Variants in SDK1 observed in about 807,000 individuals in gnomAD.
SDK1 encodes protein sidekick-1.
A neutral mutation model predicts 245.5 loss-of-function variants in SDK1; 157 were observed. The ratio of observed to expected loss-of-function variants is 0.64; its 90% CI spans 0.56 to 0.73. The LOEUF (loss-of-function observed/expected upper bound fraction) is 0.73. SDK1 is among the 30% of genes least tolerant of loss of function. The pLI, the probability that SDK1 is intolerant of heterozygous loss-of-function variation, is 0.00. For synonymous variants in SDK1, 1,647 were observed against 1,278.5 expected, an observed-to-expected ratio of 1.29 and a Z score of -6.15; for missense variants, 3,583 against 3,002.3, an observed-to-expected ratio of 1.19 and a Z score of -4.52.
intron 1 of SDK1, among the ~76,000 whole-genome samples, chr7:3,514,718 T>C (rs977289170): frequency 6.6e-6 from 1 of 152,162 alleles, no homozygotes; most frequent in Non-Finnish European, 1.5e-5. Context: ...AAGTAGTACT[T>C]AGACCCCGTC....
chr7:4,175,866 G>A (rs150185967), intron 34 of SDK1, 32 bp downstream of exon 34: 72 of 1,592,402 alleles, frequency 4.5e-5, no homozygotes, highest in East Asian at 1.1e-4. Context: ...GGCCCATGCC[G>A]CGAGGCGCAC....
intron 1 of SDK1, among the ~76,000 whole-genome samples, chr7:3,328,165 A>G (rs1779980843): frequency 6.6e-6 from 1 of 152,208 alleles, no homozygotes; most frequent in Non-Finnish European, 1.5e-5. Context: ...TTGAAATATT[A>G]TAACTGTTGA....
intron 4 of SDK1, among the ~76,000 whole-genome samples, chr7:3,656,042 C>T (rs11763915): frequency 0.27 from 40,978 of 152,186 alleles, 5,715 homozygotes; most frequent in Non-Finnish European, 0.3. Context: ...CCTCTGCTCA[C>T]GGTGTTCTCC....
chr7:3,862,224 A>C (rs1380763763), intron 5 of SDK1, among the ~76,000 whole-genome samples: 1 of 152,222 alleles, frequency 6.6e-6, no homozygotes, highest in African/African-American at 2.4e-5. Flanking sequence ...AGCTTTGGAA[A>C]GTCCCAGAAA....
At chr7:3,564,260 T>C (rs989563755) in intron 1 of SDK1, among the ~76,000 whole-genome samples, 5 of 151,958 alleles carry the variant, frequency 3.3e-5, no homozygotes, top group Non-Finnish European at 5.9e-5. Context: ...ATAGAGAAGG[T>C]TAAAATCAAA....
chr7:3,812,456 A>G (rs540463530), intron 4 of SDK1, among the ~76,000 whole-genome samples: 11 of 152,332 alleles, frequency 7.2e-5, no homozygotes, highest in East Asian at 1.9e-4. Context: ...GCTTGGGTCT[A>G]TATTTAAGAG....
chr7:4,173,579 A>G (rs552125099), intron 32 of SDK1, among the ~76,000 whole-genome samples: 17 of 152,314 alleles, frequency 1.1e-4, no homozygotes, highest in Non-Finnish European at 2.4e-4. Context: ...GCGCCTAGCC[A>G]TGGCTTGGTA....
chr7:3,513,479 A>T (rs370336123), intron 1 of SDK1, among the ~76,000 whole-genome samples: 1 of 152,212 alleles, frequency 6.6e-6, no homozygotes, highest in East Asian at 1.9e-4. Flanking sequence ...TTTCAGTGCA[A>T]TAGAAGAAAT....
intron 22 of SDK1, among the ~76,000 whole-genome samples, chr7:4,083,742 C>T (rs1385433297): frequency 5.2e-3 from 1 of 192 alleles, no homozygotes; most frequent in Admixed American, 0.071. Context: ...CCATCCCTCC[C>T]TTCCTTTACT....
intron 4 of SDK1, among the ~76,000 whole-genome samples, chr7:3,773,701 GT>G (rs1780468355): frequency 6.6e-6 from 1 of 152,046 alleles, no homozygotes; most frequent in African/African-American, 2.4e-5. Context: ...TGCTGTTTTT[GT>G]TTTTTGTTTT....
At chr7:3,713,363 GA>G (rs1785103699) in intron 4 of SDK1, among the ~76,000 whole-genome samples, 1 of 152,104 alleles carries the variant, frequency 6.6e-6, no homozygotes, top group African/African-American at 2.4e-5. Context: ...AGAAAAGAAA[GA>G]AAGAGCCTAC....
intron 5 of SDK1, among the ~76,000 whole-genome samples, chr7:3,859,674 C>T (rs1350308667): frequency 1.3e-5 from 2 of 152,136 alleles, no homozygotes; most frequent in African/African-American, 2.4e-5. Flanking sequence ...GGCCAACTTC[C>T]ATTACCATCC....
chr7:3,560,391 G>GA lies in SDK1; in HGVS notation c.299-58681dup, dbSNP rs1344564737. ...CAAGTGTGTTTTTCCAGTTGATTGA[G>GA]AAAAAAAATTCTAAGTCATCCTTGA... On this transcript the variant is annotated intron_variant, in intron 1 of 44. Coordinates refer to ENST00000404826, the MANE Select transcript of SDK1 (RefSeq NM_152744.4). Among the ~76,000 whole-genome samples the GA allele has an allele frequency of 2.0e-5, 3 of 151,418 alleles. No homozygotes were observed. In the South Asian group the frequency reaches 6.3e-4, roughly 32 times the overall value.
chr7:3,317,322 T>C (rs574151040), intron 1 of SDK1, among the ~76,000 whole-genome samples: 2 of 152,134 alleles, frequency 1.3e-5, no homozygotes, highest in Non-Finnish European at 1.5e-5. Flanking sequence ...GGAACATGTA[T>C]TGATTTCTGA....
At position 4,052,839 on chromosome 7, in the gene SDK1, A is replaced by G. The variant is rs2128167342; in HGVS notation, c.2911+1009A>G. 2.0e-5 allele frequency among the ~76,000 whole-genome samples: 3 copies of G among 152,290 alleles called. 1 individual carries two copies. In the South Asian group the frequency reaches 6.2e-4, roughly 32 times the overall value. ...TGCAGTGGTTCATGCCTGTAATCCC[A>G]GCACTTTGGGAGGCTGAGGCAGTTG... On this transcript the variant is annotated intron_variant, in intron 19 of 44. Coordinates refer to ENST00000404826, the MANE Select transcript of SDK1 (RefSeq NM_152744.4).
chr7:3,663,513 G>C (rs561751441), intron 4 of SDK1, among the ~76,000 whole-genome samples: 3 of 152,204 alleles, frequency 2.0e-5, no homozygotes, highest in African/African-American at 7.2e-5. Context: ...TTCTTCAGCT[G>C]AGGGACCTGA....
At position 3,891,858 on chromosome 7, in the gene SDK1, C is replaced by G. The variant is rs959356243; in HGVS notation, c.848-59065C>G. ...AAATCCTGAAAATGTTGTATTTTCTCTCTTCCCTTTCAATTGTATTTGCAA... is the reference window on the plus strand; with the variant it reads ...AAATCCTGAAAATGTTGTATTTTCTGTCTTCCCTTTCAATTGTATTTGCAA... On this transcript the variant is annotated intron_variant, in intron 5 of 44. Coordinates refer to ENST00000404826, the MANE Select transcript of SDK1 (RefSeq NM_152744.4). Among the ~76,000 whole-genome samples, 6 of 152,164 alleles carry G rather than the reference C, an allele frequency of 3.9e-5. No individual in the cohort carries two copies. The South Asian group carries it at 8.3e-4, about 21-fold the overall frequency.
In SDK1 at chr7:3,793,559, T is replaced by C. The variant is rs10235415; in HGVS notation, c.714-27891T>C. ...AGTGGACCCGTGATCCTCTGCCCTTTACAGCTTTTGTATCCTTCTTGTGTC... is the reference window on the plus strand; with the variant it reads ...AGTGGACCCGTGATCCTCTGCCCTTCACAGCTTTTGTATCCTTCTTGTGTC... On this transcript the variant is annotated intron_variant, in intron 4 of 44. Transcript: ENST00000404826. 5.6e-3 allele frequency among the ~76,000 whole-genome samples: 852 copies of C among 152,338 alleles called. 9 individuals are homozygous for C. Among genetic ancestry groups the C allele is most frequent in the African/African-American group, 0.02 (819 of 41,574 alleles).
chr7:4,069,518 C>T (rs746876719), intron 20 of SDK1, among the ~76,000 whole-genome samples: 8 of 152,212 alleles, frequency 5.3e-5, no homozygotes, highest in Non-Finnish European at 1.2e-4. Flanking sequence ...TGGAGCTGAG[C>T]TGCGTCTCCG....
Sources: allele counts gnomAD v4.1 joint callset (sites outside exome capture counted in the v4.1 genomes callset), GRCh38; gene constraint gnomAD v4.1.1; transcripts MANE v1.5; gene names NCBI Gene and HGNC (gene_info 2026-07-23, HGNC 2026-07-21).